Variants in OGN observed in about 807,000 individuals in gnomAD.
The protein encoded by OGN is osteoglycin, also known as mimecan.
Under a neutral mutation model 30.8 loss-of-function variants are expected in OGN, and 19 were observed. That is an observed-to-expected ratio of 0.62 (90% CI 0.43 to 0.90). The LOEUF is 0.90. OGN is among the 40% of genes least tolerant of loss of function. OGN has a pLI of 0.00. For missense variants in OGN, 283 were observed against 349.7 expected (o/e 0.81, Z 1.52); for synonymous variants, 126 against 128.3 (o/e 0.98, Z 0.12).
intron 3 of OGN, among the ~76,000 whole-genome samples, chr9:92,399,792 G>A (rs1203900110): frequency 6.6e-6 from 1 of 152,110 alleles, no homozygotes; most frequent in East Asian, 1.9e-4. Flanking sequence ...GGTACCTTTA[G>A]TATGTACTGA....
rs562740372 is a variant in OGN, at chr9:92,392,627, G to A, written c.427+459C>T. 3.8e-4 allele frequency among the ~76,000 whole-genome samples: 58 copies of A among 151,264 alleles called. No homozygotes were observed. The South Asian group carries it at 0.012, about 31-fold the overall frequency. On this transcript the variant is annotated intron_variant, in intron 4 of 6. Coordinates refer to ENST00000375561, the MANE Select transcript of OGN (RefSeq NM_014057.5). ...AAGACTCCATGTCGGGTTGGGGGGA[G>A]GGGGGAGAAAAAAAAAACACTTCCC...
rs1842754974 is a variant in OGN, at chr9:92,393,106, G to T, written c.407C>A (p.Ala136Asp). 2 of 1,613,126 alleles carry T rather than the reference G, an allele frequency of 1.2e-6. No individual in the cohort carries two copies. Among genetic ancestry groups the T allele is most frequent in the Admixed American group, 3.3e-5 (2 of 59,902 alleles). The change falls in exon 4 of 7, where the codon GCC becomes GAC. Residue 136 changes from alanine (A) to aspartate (D), a missense_variant. By Grantham distance (126) the Ala-to-Asp change is moderately radical (BLOSUM62 -2). Coordinates refer to ENST00000375561, the MANE Select transcript of OGN (RefSeq NM_014057.5). ...CTTACGTATGTCTGCAAAATCTTTGGCAGTCAGCTTTTTAATTTTGTTGAA... is the reference window on the plus strand; with the variant it reads ...CTTACGTATGTCTGCAAAATCTTTGTCAGTCAGCTTTTTAATTTTGTTGAA... ...ARFNKIKKLT[A>D]KDFADIPNLR...
intron 3 of OGN, among the ~76,000 whole-genome samples, chr9:92,397,872 CATAGAG>C (rs1214001410): frequency 6.6e-6 from 1 of 152,144 alleles, no homozygotes; most frequent in Non-Finnish European, 1.5e-5. Context: ...CATACACACA[CATAGAG>C]ATAAACAGAG....
In OGN at chr9:92,403,351, T is replaced by C. The variant is rs1314296265; in HGVS notation, c.57A>G (p.Pro19=). The stretch of plus-strand genomic sequence containing the variant: ...GTGAGTCCTGCTGGGTTGGTGGTGC[T>C]GGCTTTATCAGAGGCACAAGCAGTA... The part of the protein sequence containing the change: ...LLLLLVPLIK[P]APPTQQDSRI... Residue 19 remains proline, a synonymous_variant, in exon 2 of 7, where the codon CCA becomes CCG. Transcript: ENST00000375561. The C allele has an allele frequency of 6.2e-7, 1 of 1,613,580 alleles. No individual in the cohort carries two copies. The highest frequency in any genetic ancestry group is 2.2e-5 in the East Asian group (1 of 44,860).
chr9:92,400,914 C>T (rs1376340796), intron 3 of OGN, among the ~76,000 whole-genome samples, 178 bp downstream of exon 3: 1 of 152,204 alleles, frequency 6.6e-6, no homozygotes, highest in African/African-American at 2.4e-5. Context: ...CCACATTTCT[C>T]ACTCATAATG....
rs759516062 is a variant in OGN at position 92,393,144 on chromosome 9, A to G, written c.369T>C (p.Tyr123=). The G allele has an allele frequency of 1.9e-6, 3 of 1,613,858 alleles. No homozygotes were observed. Among genetic ancestry groups the G allele is most frequent in the Admixed American group, 3.3e-5 (2 of 59,994 alleles). The change falls in exon 4 of 7, where the codon TAT becomes TAC. Residue 123 remains tyrosine (Y), a synonymous_variant. Transcript: ENST00000375561. ...TAATTTTGTTGAATCGTGCGTAAAG[A>G]TAGGCTGATTCCTTTGGTAAGGGTG... ...AVPPLPKESA[Y]LYARFNKIKK...
intron 3 of OGN, among the ~76,000 whole-genome samples, chr9:92,395,508 T>A (rs1842859123): frequency 6.6e-6 from 1 of 152,212 alleles, no homozygotes; most frequent in Admixed American, 6.5e-5. Flanking sequence ...ATGCTTTCAT[T>A]TCTCTTGGGT....
intron 3 of OGN, among the ~76,000 whole-genome samples, chr9:92,398,462 C>T (rs1054101801): frequency 1.4e-4 from 21 of 152,092 alleles, no homozygotes; most frequent in Admixed American, 1.3e-4. Context: ...TTCACAGAAA[C>T]AAGCAGATAC....
chr9:92,393,264 A>G lies in OGN; in HGVS notation c.269-20T>C. ...GCATTTCTAAATTGGGAATAAAATC[A>G]TAAAAATATGAACAATCGTTTGAAA... On this transcript the variant is annotated intron_variant, in intron 3 of 6. Transcript: ENST00000375561. 1 of 1,565,296 alleles carries G rather than the reference A, an allele frequency of 6.4e-7. No individual in the cohort carries two copies. Among genetic ancestry groups the G allele is most frequent in the Non-Finnish European group, 8.7e-7 (1 of 1,153,356 alleles).
intron 5 of OGN, among the ~76,000 whole-genome samples, chr9:92,388,145 T>A (rs1240617233): frequency 6.6e-6 from 1 of 152,012 alleles, no homozygotes; most frequent in Non-Finnish European, 1.5e-5. Context: ...AATGTTCTTT[T>A]TGTGAAATGT....
intron 3 of OGN, among the ~76,000 whole-genome samples, chr9:92,395,283 G>C (rs1842849429): frequency 2.0e-5 from 3 of 152,108 alleles, no homozygotes; most frequent in Non-Finnish European, 4.4e-5. Flanking sequence ...TATATTAAAA[G>C]AATCATGGAG....
rs538536406 is a variant in OGN at position 92,387,072 on chromosome 9, A to G, written c.631-776T>C. 2.3e-3 allele frequency among the ~76,000 whole-genome samples: 348 copies of G among 148,998 alleles called. 2 individuals are homozygous for G. Among genetic ancestry groups the G allele is most frequent in the African/African-American group, 7.0e-3 (285 of 40,552 alleles). ...CAAAAAGAAAAAAAAAAAAAAAAAA[A>G]AAAGAAATGTGTGTGCTTAGCCGGG... On this transcript the variant is annotated intron_variant, in intron 5 of 6. Transcript: ENST00000375561.
Position 92,403,300 on chromosome 9 carries a change from A to G in OGN, c.108T>C (p.Asp36=). The G allele has an allele frequency of 6.2e-7, 1 of 1,612,260 alleles. No individual in the cohort carries two copies. Among genetic ancestry groups the G allele is most frequent in the Non-Finnish European group, 8.5e-7 (1 of 1,178,632 alleles). ...GGCTAAATATGGATTCTTCAAAATT[A>G]TCTGTTCCATAATCATAGATAATGC... ...DSRIIYDYGT[D]NFEESIFSQD... Residue 36 remains aspartate, a synonymous_variant, in exon 2 of 7, where the codon GAT becomes GAC. Transcript: ENST00000375561.
At chr9:92,399,175 C>T (rs1262410346) in intron 3 of OGN, among the ~76,000 whole-genome samples, 3 of 152,082 alleles carry the variant, frequency 2.0e-5, no homozygotes, top group African/African-American at 4.8e-5. Flanking sequence ...TTCCTGCTGC[C>T]GTGTATGAGT....
rs765659840 is a variant in OGN at position 92,401,170 on chromosome 9, TCA to T, written c.188_189del (p.Val63AspfsTer5). ...TGAAGACTTTTCTCATTGGGTATTA[TCA>T]CAGTTTCTTTTTCCTATTGGAAAAA... is the stretch of plus-strand genomic sequence containing the variant. ...DGKNIKEKET[V>X]IIPNEKSLQL... On this transcript the variant is annotated frameshift_variant, in exon 3 of 7. Transcript: ENST00000375561. LOFTEE classifies it high-confidence loss of function. 2.0e-6 allele frequency: 3 copies of T among 1,491,418 alleles called. No individual in the cohort carries two copies. Among genetic ancestry groups the T allele is most frequent in the Middle Eastern group, 1.8e-4 (1 of 5,418 alleles). 92.4% of individuals were successfully genotyped at this position (1,491,418 alleles called of 1,614,324 possible). A position where few individuals can be genotyped will look rare whatever the true frequency, so the allele number is the denominator to read the frequency against.
At chr9:92,399,259 G>A (rs1171111594) in intron 3 of OGN, among the ~76,000 whole-genome samples, 1 of 151,904 alleles carries the variant, frequency 6.6e-6, no homozygotes, top group East Asian at 1.9e-4. Context: ...AATCAGATAG[G>A]TTAAAAATGG....
intron 2 of OGN, among the ~76,000 whole-genome samples, chr9:92,401,983 G>C (rs1843134308): frequency 6.6e-6 from 1 of 151,966 alleles, no homozygotes; most frequent in African/African-American, 2.4e-5. Flanking sequence ...CCTCTACTCT[G>C]TGTTTGCACA....
At chr9:92,398,530 T>C (rs1288361986) in intron 3 of OGN, among the ~76,000 whole-genome samples, 1 of 152,146 alleles carries the variant, frequency 6.6e-6, no homozygotes, top group Non-Finnish European at 1.5e-5. Context: ...ATTATAGATA[T>C]TCTTTTGCAC....
intron 3 of OGN, among the ~76,000 whole-genome samples, chr9:92,394,770 A>C (rs1303554073): frequency 6.9e-6 from 1 of 145,930 alleles, no homozygotes; most frequent in Non-Finnish European, 1.5e-5. Context: ...ATGTCCGGCT[A>C]ATTTTTTTGT....
Sources: allele counts gnomAD v4.1 joint callset (sites outside exome capture counted in the v4.1 genomes callset), GRCh38; gene constraint gnomAD v4.1.1; transcripts MANE v1.5; gene names NCBI Gene and HGNC (gene_info 2026-07-23, HGNC 2026-07-21).